SPAG17: variants seen among roughly 807,000 people sequenced by gnomAD.
SPAG17 encodes the protein sperm-associated antigen 17.
SPAG17 carries 169 observed loss-of-function variants against 273.6 expected under a neutral mutation model. That is an observed-to-expected ratio of 0.62 (90% CI 0.55 to 0.70). SPAG17 has a LOEUF of 0.70. Among genes scored for constraint, SPAG17 ranks in the 30% least tolerant of loss-of-function variants. SPAG17 has a pLI of 0.00. For synonymous variants in SPAG17, 825 were observed against 873.2 expected, an observed-to-expected ratio of 0.94 and a Z score of 0.97; for missense variants, 2,557 against 2,627.8, an observed-to-expected ratio of 0.97 and a Z score of 0.59.
chr1:118,005,392 C>G, intron 32 of SPAG17, 22 bp downstream of exon 32: 1 of 1,576,736 alleles, frequency 6.3e-7, no homozygotes, highest in Non-Finnish European at 8.6e-7. Context: ...GGCTCTCTCT[C>G]CATACCAAAG....
intron 42 of SPAG17, among the ~76,000 whole-genome samples, chr1:117,983,478 G>T (rs1168924295): frequency 6.6e-6 from 1 of 152,156 alleles, no homozygotes; most frequent in African/African-American, 2.4e-5. Context: ...CCATTGTAAA[G>T]ATACATTTTC....
intron 4 of SPAG17, among the ~76,000 whole-genome samples, chr1:118,105,740 C>T (rs1030008942): frequency 3.3e-5 from 5 of 151,698 alleles, no homozygotes. Flanking sequence ...ATGAGGGCTT[C>T]AGTGATGACA....
chr1:118,057,611 T>G (rs1356117353), intron 18 of SPAG17, among the ~76,000 whole-genome samples: 1 of 152,144 alleles, frequency 6.6e-6, no homozygotes, highest in Non-Finnish European at 1.5e-5. Flanking sequence ...CTGAACTATT[T>G]ACTCACAAAT....
At chr1:117,983,662 T>C (rs893735796) in intron 42 of SPAG17, 149 bp downstream of exon 42, 13 of 429,842 alleles carry the variant, frequency 3.0e-5, no homozygotes, top group Middle Eastern at 4.7e-4. Context: ...TACATATTTG[T>C]TTTCTCATAT....
intron 24 of SPAG17, among the ~76,000 whole-genome samples, chr1:118,032,942 C>T: frequency 6.6e-6 from 1 of 152,114 alleles, no homozygotes. Flanking sequence ...TCTCAATCCT[C>T]CTTGCCTGTA....
At chr1:118,072,852 C>T (rs900399755) in intron 17 of SPAG17, among the ~76,000 whole-genome samples, 5 of 151,278 alleles carry the variant, frequency 3.3e-5, no homozygotes, top group Admixed American at 6.6e-5. Context: ...TGGGGGTGGG[C>T]AAAGCTGTGT....
chr1:118,028,506 T>C, intron 25 of SPAG17, 112 bp from the exon 26 acceptor site: 1 of 1,341,002 alleles, frequency 7.5e-7, no homozygotes, highest in Non-Finnish European at 1.0e-6. Context: ...TGCACAGAGC[T>C]AGGTGGCCCC....
intron 31 of SPAG17, 26 bp downstream of exon 31, chr1:118,008,018 G>A (rs369701608): frequency 9.3e-6 from 15 of 1,613,138 alleles, no homozygotes; most frequent in African/African-American, 4.0e-5. Flanking sequence ...CATCTTTGGC[G>A]CTTCTCATTT....
In SPAG17 at chr1:118,073,865, C is replaced by T. The variant is rs745963934; in HGVS notation, c.2374G>A (p.Val792Ile). Residue 792 changes from valine (V) to isoleucine (I), a missense_variant, in exon 17 of 49, where the codon GTA (valine) becomes ATA (isoleucine). Transcript: ENST00000336338. ...WSFTEHFKPK[V>I]LLQVLQEAHK... is the part of the protein sequence containing the mutation. ...CAGTCCATAAATACCTGAAGCAGTA[C>T]TTTCGGTTTAAAATGTTCAGTAAAA... is the stretch of plus-strand genomic sequence containing the variant. 1.3e-6 allele frequency: 2 copies of T among 1,583,936 alleles called. No individual in the cohort carries two copies. Among genetic ancestry groups the T allele is most frequent in the South Asian group, 2.3e-5 (2 of 85,390 alleles).
chr1:117,963,906 G>T lies in SPAG17; in HGVS notation c.6565C>A (p.Pro2189Thr). 1 of 1,613,824 alleles carries T rather than the reference G, an allele frequency of 6.2e-7. No individual in the cohort carries two copies. Residue 2189 changes from proline (P) to threonine (T), a missense_variant, in exon 48 of 49, where the codon CCA (proline) becomes ACA (threonine). Transcript: ENST00000336338. Reference protein sequence around the residue: ...VLTSSNYDKRPKDFPQGKENP... With the variant: ...VLTSSNYDKRTKDFPQGKENP... ...TCTTTTCCCTGGGGAAAGTCTTTTG[G>T]TCGTTTATCATAATTGCTGCTTGTT...
intron 18 of SPAG17, among the ~76,000 whole-genome samples, chr1:118,064,711 A>G (rs1381448616): frequency 6.6e-6 from 1 of 151,778 alleles, no homozygotes; most frequent in East Asian, 1.9e-4. Context: ...CATTGTGCCC[A>G]TGTACCCTAA....
chr1:118,036,957 C>T (rs953025134), intron 23 of SPAG17, 74 bp from the exon 24 acceptor site: 1 of 1,088,506 alleles, frequency 9.2e-7, no homozygotes, highest in Non-Finnish European at 1.3e-6. Flanking sequence ...AGTGGGAAGG[C>T]TGGGAATGGA....
intron 32 of SPAG17, among the ~76,000 whole-genome samples, chr1:117,998,026 G>A (rs1657851212): frequency 6.6e-6 from 1 of 152,090 alleles, no homozygotes; most frequent in East Asian, 1.9e-4. Context: ...TCTGTTGATA[G>A]TTTCTTTTGC....
At chr1:118,019,857 G>C (rs1229576964) in intron 28 of SPAG17, among the ~76,000 whole-genome samples, 1 of 152,118 alleles carries the variant, frequency 6.6e-6, no homozygotes, top group Non-Finnish European at 1.5e-5. Flanking sequence ...TATATACCTC[G>C]TGAAATTATC....
intron 3 of SPAG17, among the ~76,000 whole-genome samples, chr1:118,124,959 C>T (rs1657628101): frequency 1.3e-5 from 2 of 152,164 alleles, no homozygotes; most frequent in East Asian, 1.9e-4. Context: ...CTAGTCCCTC[C>T]CCAGTCTCCA....
chr1:118,039,024 A>G (rs558552348), intron 23 of SPAG17, among the ~76,000 whole-genome samples: 13 of 152,294 alleles, frequency 8.5e-5, no homozygotes, highest in Middle Eastern at 3.4e-3. Context: ...GGAAGAGGGC[A>G]TTGAGAAATC....
At chr1:118,042,820 T>C (rs1299309463) in intron 20 of SPAG17, among the ~76,000 whole-genome samples, 3 of 152,162 alleles carry the variant, frequency 2.0e-5, no homozygotes, top group Non-Finnish European at 4.4e-5. Context: ...GCCTTTGAGC[T>C]CCTATGCCTG....
chr1:118,143,373 C>T (rs1196112752), intron 3 of SPAG17, among the ~76,000 whole-genome samples: 1 of 152,144 alleles, frequency 6.6e-6, no homozygotes, highest in Non-Finnish European at 1.5e-5. Context: ...ATTCAAATTT[C>T]ATCATTCATA....
At chr1:118,115,870 A>G (rs1198468383) in intron 3 of SPAG17, among the ~76,000 whole-genome samples, 2 of 152,254 alleles carry the variant, frequency 1.3e-5, no homozygotes, top group Non-Finnish European at 2.9e-5. Context: ...GGGTTTTATA[A>G]TAGTGGAAAT....
Sources: gnomAD v4.1 joint callset for allele counts (sites outside exome capture counted in the v4.1 genomes callset) on GRCh38, gnomAD v4.1.1 for gene constraint, MANE v1.5 for transcripts, NCBI Gene and HGNC (gene_info 2026-07-23, HGNC 2026-07-21) for gene names.